SORBS2: variants seen among roughly 807,000 people sequenced by gnomAD.
The protein encoded by SORBS2 is sorbin and SH3 domain containing 2.
A neutral mutation model predicts 97.7 loss-of-function variants in SORBS2; 46 were observed. The ratio of observed to expected loss-of-function variants is 0.47; its 90% CI spans 0.37 to 0.60. The LOEUF is 0.60. Among genes scored for constraint, SORBS2 ranks in the 20% least tolerant of loss-of-function variants. The pLI, the probability that SORBS2 is intolerant of heterozygous loss-of-function variation, is 0.00. For synonymous variants in SORBS2, 476 were observed against 473.4 expected (o/e 1.01, Z -0.07); for missense variants, 1,316 against 1,282.3 (o/e 1.03, Z -0.40).
At chr4:185,927,870 T>C (rs562369448) in intron 1 of SORBS2, among the ~76,000 whole-genome samples, 29 of 152,304 alleles carry the variant, frequency 1.9e-4, no homozygotes, top group African/African-American at 6.7e-4. Flanking sequence ...GATACACAAG[T>C]CCTATCATTT....
Position 185,607,474 on chromosome 4 carries a change from T to C in SORBS2, c.2796+4306A>G, listed in dbSNP as rs951754595. ...GGTGGTGAATATGAAAATAATTTTA[T>C]GTTTAACATAGATTTGAAGACATTT... On this transcript the variant is annotated intron_variant, in intron 12 of 14. Transcript: ENST00000418609. The surrounding 1 kb of genome is among the most constrained non-coding windows in gnomAD (Gnocchi z 5.2). 1.2e-5 allele frequency: 5 copies of C among 418,726 alleles called. No individual in the cohort carries two copies. Among genetic ancestry groups the C allele is most frequent in the East Asian group, 1.9e-4 (2 of 10,676 alleles). The allele number at this position is 418,726 out of a possible 1,614,324, so 25.9% of individuals were successfully genotyped here.
At chr4:185,587,716 G>C in intron 14 of SORBS2, 28 bp from the exon 27 acceptor site, 1 of 1,572,518 alleles carries the variant, frequency 6.4e-7, no homozygotes, top group Non-Finnish European at 8.7e-7. Flanking sequence ...TCATGAAAGG[G>C]GGGTGACAAC....
chr4:185,906,146 G>C (rs1441666972), intron 1 of SORBS2, among the ~76,000 whole-genome samples: 1 of 152,158 alleles, frequency 6.6e-6, no homozygotes, highest in African/African-American at 2.4e-5. Context: ...TGATTCTCCT[G>C]CCTCAGCCTC....
intron 2 of SORBS2, among the ~76,000 whole-genome samples, chr4:185,710,600 T>C (rs900123732): frequency 2.0e-5 from 3 of 152,248 alleles, no homozygotes; most frequent in Admixed American, 6.5e-5. Context: ...GTTTGTGTTA[T>C]GGTCATTAGA....
At chr4:185,687,994 C>T (rs1184006743) in intron 2 of SORBS2, among the ~76,000 whole-genome samples, 1 of 152,128 alleles carries the variant, frequency 6.6e-6, no homozygotes, top group East Asian at 1.9e-4. Flanking sequence ...CTACTCTTCC[C>T]CTGAGCTGCA....
At position 185,635,429 on chromosome 4, in the gene SORBS2, A is replaced by G. The variant is rs2096979876; in HGVS notation, c.397-4831T>C. 1 of 1,602,334 alleles carries G rather than the reference A, an allele frequency of 6.2e-7. No homozygotes were observed. Among genetic ancestry groups the G allele is most frequent in the Non-Finnish European group, 8.5e-7 (1 of 1,169,754 alleles). ...TTAGGAGGCTGGGTGTAGACGCACCACAGAAGCAGAAGTGTAGGGATGGAA... is the reference window on the plus strand; with the variant it reads ...TTAGGAGGCTGGGTGTAGACGCACCGCAGAAGCAGAAGTGTAGGGATGGAA... On this transcript the variant is annotated intron_variant, in intron 4 of 14. Transcript: ENST00000418609.
At chr4:185,703,045 T>C (rs1191054019) in intron 2 of SORBS2, among the ~76,000 whole-genome samples, 1 of 152,202 alleles carries the variant, frequency 6.6e-6, no homozygotes, top group African/African-American at 2.4e-5. Flanking sequence ...TATTAACACA[T>C]GTCCAAGCCA....
intron 1 of SORBS2, among the ~76,000 whole-genome samples, chr4:185,923,758 C>T (rs1024812144): frequency 1.3e-5 from 2 of 152,110 alleles, no homozygotes; most frequent in Non-Finnish European, 2.9e-5. Flanking sequence ...AACACTTCTA[C>T]ACGACCTCCT....
At chr4:185,827,339 T>C (rs62652497) in intron 1 of SORBS2, among the ~76,000 whole-genome samples, 2,769 of 5,698 alleles carry the variant, frequency 0.49, 1,162 homozygotes, top group South Asian at 0.68. Flanking sequence ...ATCATCATCA[T>C]CATCATCATC....
At chr4:185,854,389 G>A (rs999395726) in intron 1 of SORBS2, among the ~76,000 whole-genome samples, 24 of 152,194 alleles carry the variant, frequency 1.6e-4, no homozygotes, top group Non-Finnish European at 2.8e-4. Context: ...GCCTGTCCTC[G>A]TATCATTAGA....
chr4:185,818,737 A>C (rs925838193), intron 1 of SORBS2, among the ~76,000 whole-genome samples: 168 of 151,878 alleles, frequency 1.1e-3, no homozygotes, highest in African/African-American at 3.9e-3. Flanking sequence ...GAGGCAGGAG[A>C]ATGGCATGAA....
At chr4:185,899,575 T>C (rs537760634) in intron 1 of SORBS2, among the ~76,000 whole-genome samples, 3 of 152,220 alleles carry the variant, frequency 2.0e-5, no homozygotes, top group Admixed American at 6.5e-5. Context: ...CTGACAGGCA[T>C]ACTCAGCACT....
At chr4:185,650,291 T>C (rs2097291527) in intron 2 of SORBS2, among the ~76,000 whole-genome samples, 1 of 152,082 alleles carries the variant, frequency 6.6e-6, no homozygotes, top group Admixed American at 6.5e-5. Flanking sequence ...AGGATGCTAG[T>C]AGGTGGTAGA....
At chr4:185,797,460 CTCTT>C (rs2099110328) in intron 1 of SORBS2, among the ~76,000 whole-genome samples, 1 of 152,078 alleles carries the variant, frequency 6.6e-6, no homozygotes, top group Admixed American at 6.5e-5. Context: ...CTCTCTTTCT[CTCTT>C]TTTCTTTCCC....
chr4:185,588,645 G>A (rs533419601), intron 14 of SORBS2, among the ~76,000 whole-genome samples: 3 of 99,760 alleles, frequency 3.0e-5, no homozygotes, highest in African/African-American at 6.8e-5. Flanking sequence ...ATGGAGTTTC[G>A]CTCTTGTCGC....
intron 1 of SORBS2, among the ~76,000 whole-genome samples, chr4:185,940,619 C>G (rs769765772): frequency 6.6e-6 from 1 of 152,202 alleles, no homozygotes; most frequent in Non-Finnish European, 1.5e-5. Flanking sequence ...AGGGTCTTCA[C>G]TGCCCTTCAG....
intron 2 of SORBS2, among the ~76,000 whole-genome samples, chr4:185,685,307 A>G (rs2097934498): frequency 6.6e-6 from 1 of 152,224 alleles, no homozygotes; most frequent in Non-Finnish European, 1.5e-5. Flanking sequence ...AGCTGTTATA[A>G]TTCCCAAAGA....
At chr4:185,614,252 C>T (rs1304710538) in intron 11 of SORBS2, among the ~76,000 whole-genome samples, 6 of 147,844 alleles carry the variant, frequency 4.1e-5, no homozygotes, top group South Asian at 2.2e-4. Flanking sequence ...CCACCATGCC[C>T]GGCCTCGAGG....
intron 1 of SORBS2, among the ~76,000 whole-genome samples, chr4:185,655,371 A>G (rs1180587404): frequency 1.3e-5 from 2 of 152,242 alleles, no homozygotes; most frequent in Non-Finnish European, 2.9e-5. Context: ...CACATGAGAA[A>G]GAAAAACAAC....
Sources: allele counts gnomAD v4.1 joint callset (sites outside exome capture counted in the v4.1 genomes callset), GRCh38; gene constraint gnomAD v4.1.1; non-coding constraint Gnocchi (gnomAD v3.1); transcripts MANE v1.5; gene names NCBI Gene and HGNC (gene_info 2026-07-23, HGNC 2026-07-21).